KIRREL3: variants seen among roughly 807,000 people sequenced by gnomAD.
The protein encoded by KIRREL3 is kin of IRRE-like protein 3.
Under a neutral mutation model 89.7 loss-of-function variants are expected in KIRREL3, and 36 were observed. The observed-to-expected ratio is 0.40, with a 90% CI of 0.31 to 0.53. KIRREL3 has a LOEUF of 0.53. Ranked by LOEUF, KIRREL3 falls within the 20% of genes least tolerant of loss-of-function variation. The pLI, the probability that KIRREL3 is intolerant of heterozygous loss-of-function variation, is 0.49. For synonymous variants in KIRREL3, 445 were observed against 441.4 expected (o/e 1.01, Z -0.10); for missense variants, 864 against 1,056.6 (o/e 0.82, Z 2.53).
rs1946237780 is a variant in KIRREL3 at position 126,898,120 on chromosome 11, C to T, written c.55+102335G>A. Among the ~76,000 whole-genome samples, 1 of 152,102 alleles carries T rather than the reference C, an allele frequency of 6.6e-6. No homozygotes were observed. The highest frequency in any genetic ancestry group is 2.4e-5 in the African/African-American group (1 of 41,418). ...TTCAGGCATTCCCAGGTGGTGTTTG[C>T]CCTGGTTCCAGTCTCTGATGCCACA... On this transcript the variant is annotated intron_variant, in intron 1 of 16. Transcript: ENST00000525144. The surrounding 1 kb of genome is among the most constrained non-coding windows in gnomAD (Gnocchi z 4.9).
rs1436551583 is a variant in KIRREL3 at position 126,991,732 on chromosome 11, C to T, written c.55+8723G>A. On this transcript the variant is annotated intron_variant, in intron 1 of 16. Coordinates refer to ENST00000525144, the MANE Select transcript of KIRREL3 (RefSeq NM_032531.4). This position sits in a 1 kb window ranked among gnomAD's most constrained non-coding sequence, Gnocchi z 5.8. Reference sequence around the variant, plus strand: ...TCGGATGCATGATTTTCATAGGAAACTCCCTAAAATCCTTTTCCAGTCCTA... The same window carrying T: ...TCGGATGCATGATTTTCATAGGAAATTCCCTAAAATCCTTTTCCAGTCCTA... Among the ~76,000 whole-genome samples, 1 of 152,186 alleles carries T rather than the reference C, an allele frequency of 6.6e-6. No homozygotes were observed. The highest frequency in any genetic ancestry group is 1.5e-5 in the Non-Finnish European group (1 of 68,040).
intron 1 of KIRREL3, among the ~76,000 whole-genome samples, chr11:126,756,776 C>T (rs1156245046): frequency 6.6e-6 from 1 of 152,244 alleles, no homozygotes; most frequent in African/African-American, 2.4e-5. Flanking sequence ...TTTCTCCTTC[C>T]TTTGCTTTGA....
intron 1 of KIRREL3, among the ~76,000 whole-genome samples, chr11:126,856,343 C>T (rs1386635551): frequency 6.6e-6 from 1 of 151,996 alleles, no homozygotes; most frequent in Admixed American, 6.6e-5. Flanking sequence ...GACAAGATGG[C>T]CTTTAAATTT....
In KIRREL3 at chr11:126,985,478, G is replaced by A. The variant is rs1949837146; in HGVS notation, c.55+14977C>T. On this transcript the variant is annotated intron_variant, in intron 1 of 16. Coordinates refer to ENST00000525144, the MANE Select transcript of KIRREL3 (RefSeq NM_032531.4). This position sits in a 1 kb window ranked among gnomAD's most constrained non-coding sequence, Gnocchi z 5.3. ...GGGCGCTGTGGAATAAGGAAGGAAGGGCATTTAAATTAGATTGTGGGGAGA... is the reference window on the plus strand; with the variant it reads ...GGGCGCTGTGGAATAAGGAAGGAAGAGCATTTAAATTAGATTGTGGGGAGA... 6.6e-6 allele frequency among the ~76,000 whole-genome samples: 1 copy of A among 152,088 alleles called. No homozygotes were observed. The highest frequency in any genetic ancestry group is 2.4e-5 in the African/African-American group (1 of 41,380).
rs150129044 is a variant in KIRREL3 at position 126,830,674 on chromosome 11, A to C, written c.55+169781T>G. Among the ~76,000 whole-genome samples the C allele has an allele frequency of 6.6e-6, 1 of 152,166 alleles. No homozygotes were observed. The highest frequency in any genetic ancestry group is 1.5e-5 in the Non-Finnish European group (1 of 68,026). On this transcript the variant is annotated intron_variant, in intron 1 of 16. Transcript: ENST00000525144. This position sits in a 1 kb window ranked among gnomAD's most constrained non-coding sequence, Gnocchi z 4.9. ...TTAGGAAGGTGTTCGTGCCAGACGC[A>C]TTCATTGTCTAACTGCCTGGATGCA...
intron 1 of KIRREL3, among the ~76,000 whole-genome samples, chr11:126,901,631 C>G (rs975191422): frequency 6.6e-6 from 1 of 152,190 alleles, no homozygotes; most frequent in Non-Finnish European, 1.5e-5. Flanking sequence ...AACCATTATC[C>G]TATTTAAGTC....
At position 126,490,825 on chromosome 11, in the gene KIRREL3, G is replaced by A. The variant is rs80210348; in HGVS notation, c.434-17359C>T. On this transcript the variant is annotated intron_variant, in intron 4 of 16. Coordinates refer to ENST00000525144, the MANE Select transcript of KIRREL3 (RefSeq NM_032531.4). This position sits in a 1 kb window ranked among gnomAD's most constrained non-coding sequence, Gnocchi z 4.2. ...GGGACTCCAAGGGCCGAGCAGAGCC[G>A]GCAGTAGCATTTGGAGTCAAATAGG... Among the ~76,000 whole-genome samples, 10 of 152,228 alleles carry A rather than the reference G, an allele frequency of 6.6e-5. No individual in the cohort carries two copies. Among genetic ancestry groups the A allele is most frequent in the Admixed American group, 3.9e-4 (6 of 15,286 alleles).
At chr11:126,672,978 A>C (rs1307411903) in intron 1 of KIRREL3, among the ~76,000 whole-genome samples, 1 of 152,218 alleles carries the variant, frequency 6.6e-6, no homozygotes, top group South Asian at 2.1e-4. Context: ...GTAGCATAAC[A>C]AATAGGCTTG....
chr11:126,980,676 TG>T (rs1158682504), intron 1 of KIRREL3, among the ~76,000 whole-genome samples: 2 of 151,980 alleles, frequency 1.3e-5, no homozygotes, highest in Non-Finnish European at 2.9e-5. Context: ...GAGAACTAAT[TG>T]GTTATGGGAG....
chr11:126,798,853 T>C (rs1592143350), intron 1 of KIRREL3, among the ~76,000 whole-genome samples: 1 of 152,270 alleles, frequency 6.6e-6, no homozygotes, highest in Non-Finnish European at 1.5e-5. Flanking sequence ...CTGGGTTCAG[T>C]TTTGTAGTGG....
In KIRREL3 at chr11:126,564,163, C is replaced by T. The variant is rs987056833; in HGVS notation, c.56-1251G>A. Among the ~76,000 whole-genome samples, 1 of 152,238 alleles carries T rather than the reference C, an allele frequency of 6.6e-6. No homozygotes were observed. The highest frequency in any genetic ancestry group is 1.9e-4 in the East Asian group (1 of 5,202). ...TTGATTTCTCAGAGAAAGAGGGTCC[C>T]AATGAGTGATGCATCACAGCACCTT... On this transcript the variant is annotated intron_variant, in intron 1 of 16. Coordinates refer to ENST00000525144, the MANE Select transcript of KIRREL3 (RefSeq NM_032531.4). The surrounding 1 kb of genome is among the most constrained non-coding windows in gnomAD (Gnocchi z 7.4).
In KIRREL3 at chr11:126,788,586, A is replaced by T. The variant is rs78594026; in HGVS notation, c.55+211869T>A. ...CTGAGGGCTGCTTTAAGAATGGAAG[A>T]AGGACCTATGTTCTGCCAGGCTGTG... On this transcript the variant is annotated intron_variant, in intron 1 of 16. Coordinates refer to ENST00000525144, the MANE Select transcript of KIRREL3 (RefSeq NM_032531.4). This position sits in a 1 kb window ranked among gnomAD's most constrained non-coding sequence, Gnocchi z 4.1. Among the ~76,000 whole-genome samples the T allele has an allele frequency of 3.0e-3, 459 of 152,310 alleles. 2 individuals carry two copies. Among genetic ancestry groups the T allele is most frequent in the Non-Finnish European group, 5.2e-3 (355 of 68,026 alleles).
At chr11:126,673,859 G>A (rs184286691) in intron 1 of KIRREL3, among the ~76,000 whole-genome samples, 5 of 152,336 alleles carry the variant, frequency 3.3e-5, no homozygotes, top group Admixed American at 1.3e-4. Context: ...GGGTTTTTGC[G>A]TGAGTTAAAC....
chr11:126,913,375 T>G lies in KIRREL3; in HGVS notation c.55+87080A>C, dbSNP rs1946902806. Among the ~76,000 whole-genome samples the G allele has an allele frequency of 2.0e-5, 3 of 152,352 alleles. No homozygotes were observed. In the South Asian group the frequency reaches 6.2e-4, roughly 32 times the overall value. On this transcript the variant is annotated intron_variant, in intron 1 of 16. Coordinates refer to ENST00000525144, the MANE Select transcript of KIRREL3 (RefSeq NM_032531.4). ...CAGTTCAGAATGGGGCTAGTGACCTTTTTTAGACTAATGAAATGCAAGGGA... is the reference window on the plus strand; with the variant it reads ...CAGTTCAGAATGGGGCTAGTGACCTGTTTTAGACTAATGAAATGCAAGGGA...
At chr11:126,869,847 T>A (rs1945049563) in intron 1 of KIRREL3, among the ~76,000 whole-genome samples, 1 of 152,202 alleles carries the variant, frequency 6.6e-6, no homozygotes, top group South Asian at 2.1e-4. Flanking sequence ...AACTCCCCTC[T>A]GTGCAAAGGC....
rs149203212 is a variant in KIRREL3 at position 126,575,271 on chromosome 11, C to T, written c.56-12359G>A. On this transcript the variant is annotated intron_variant, in intron 1 of 16. Transcript: ENST00000525144. The surrounding 1 kb of genome is among the most constrained non-coding windows in gnomAD (Gnocchi z 7.0). ...TCTTGGCTCCTGAGGCCAAGAGAAG[C>T]CAGCCTAGGAAGGTTGGACCATTGA... Among the ~76,000 whole-genome samples the T allele has an allele frequency of 8.7e-4, 132 of 152,288 alleles. 1 individual carries two copies. The highest frequency in any genetic ancestry group is 3.0e-3 in the African/African-American group (126 of 41,562).
chr11:126,529,983 C>A (rs1958893562), intron 2 of KIRREL3, among the ~76,000 whole-genome samples: 1 of 147,884 alleles, frequency 6.8e-6, no homozygotes, highest in South Asian at 2.1e-4. Flanking sequence ...TTTCATCCAT[C>A]TGACAGACCT....
At chr11:126,661,701 T>C (rs978328427) in intron 1 of KIRREL3, among the ~76,000 whole-genome samples, 2 of 152,212 alleles carry the variant, frequency 1.3e-5, no homozygotes, top group Admixed American at 1.3e-4. Context: ...GGCTGCATGT[T>C]AGAATCACCT....
Position 126,976,266 on chromosome 11 carries a change from G to A in KIRREL3, c.55+24189C>T, listed in dbSNP as rs1949573756. Among the ~76,000 whole-genome samples, 1 of 152,098 alleles carries A rather than the reference G, an allele frequency of 6.6e-6. No homozygotes were observed. The highest frequency in any genetic ancestry group is 1.5e-5 in the Non-Finnish European group (1 of 68,016). ...TTTGTGAATAACACAACATCACAAAGGAGAGACAGATTATGAAATTATAAT... is the reference window on the plus strand; with the variant it reads ...TTTGTGAATAACACAACATCACAAAAGAGAGACAGATTATGAAATTATAAT... On this transcript the variant is annotated intron_variant, in intron 1 of 16. Coordinates refer to ENST00000525144, the MANE Select transcript of KIRREL3 (RefSeq NM_032531.4). The surrounding 1 kb of genome is among the most constrained non-coding windows in gnomAD (Gnocchi z 4.2).
Sources: allele counts gnomAD v4.1 joint callset (sites outside exome capture counted in the v4.1 genomes callset), GRCh38; gene constraint gnomAD v4.1.1; non-coding constraint Gnocchi (gnomAD v3.1); transcripts MANE v1.5; gene names NCBI Gene and HGNC (gene_info 2026-07-23, HGNC 2026-07-21).